The following CCDC178 variants were observed in gnomAD, a reference collection of about 807,000 sequenced individuals.
CCDC178 encodes the protein coiled-coil domain containing 178.
CCDC178 carries 126 observed loss-of-function variants against 117.4 expected under a neutral mutation model. That is an observed-to-expected ratio of 1.07 (90% CI 0.93 to 1.24). The LOEUF (loss-of-function observed/expected upper bound fraction) is 1.24, where lower values mean the gene tolerates loss of function less well. Ranked by LOEUF, CCDC178 falls within the 50% of genes most tolerant of loss-of-function variation. The pLI is 0.00. For missense variants in CCDC178, 1,030 were observed against 986.9 expected (o/e 1.04, Z -0.59); for synonymous variants, 283 against 313.4 (o/e 0.90, Z 1.02).
At chr18:33,025,340 A>C (rs1344055081) in intron 21 of CCDC178, among the ~76,000 whole-genome samples, 1 of 152,208 alleles carries the variant, frequency 6.6e-6, no homozygotes, top group African/African-American at 2.4e-5. Flanking sequence ...GAGGTAGGTA[A>C]AGGGTTCTTA....
In CCDC178 at chr18:32,937,434, A is replaced by T. The variant is rs1174109600; in HGVS notation, c.*577T>A. The T allele has an allele frequency of 1.3e-5, 2 of 152,228 alleles. No individual in the cohort carries two copies. Among genetic ancestry groups the T allele is most frequent in the African/African-American group, 4.8e-5 (2 of 41,456 alleles). 9.4% of individuals were successfully genotyped at this position (152,228 alleles called of 1,614,324 possible). ...AATGAAGCATTTAAATTTATTCATT[A>T]ATCATTCATCTCCAGCTCATTGAAA... On this transcript the variant is annotated 3_prime_UTR_variant, in exon 23 of 23. Coordinates refer to ENST00000383096, the MANE Select transcript of CCDC178 (RefSeq NM_001105528.4).
intron 11 of CCDC178, among the ~76,000 whole-genome samples, chr18:33,294,002 A>T (rs1169693692): frequency 6.6e-6 from 1 of 152,226 alleles, no homozygotes; most frequent in African/African-American, 2.4e-5. Context: ...AGGAGGCAGA[A>T]GTGAAAAGAC....
chr18:33,198,287 T>A (rs2058955529), intron 20 of CCDC178, among the ~76,000 whole-genome samples: 1 of 152,092 alleles, frequency 6.6e-6, no homozygotes, highest in South Asian at 2.1e-4. Flanking sequence ...TCTCTATCTA[T>A]CTCCCTATCT....
chr18:32,943,835 A>T (rs576934208), intron 22 of CCDC178, among the ~76,000 whole-genome samples: 115 of 152,352 alleles, frequency 7.5e-4, no homozygotes, highest in African/African-American at 2.7e-3. Flanking sequence ...CAGGTAACAC[A>T]ACATATTAAG....
intron 20 of CCDC178, among the ~76,000 whole-genome samples, chr18:33,133,880 TA>T (rs768305572): frequency 6.6e-6 from 1 of 151,934 alleles, no homozygotes; most frequent in Non-Finnish European, 1.5e-5. Flanking sequence ...AGATATCATA[TA>T]ATGAAATATG....
intron 6 of CCDC178, among the ~76,000 whole-genome samples, chr18:33,363,783 T>C (rs1404828911): frequency 2.0e-5 from 3 of 152,094 alleles, no homozygotes; most frequent in Non-Finnish European, 4.4e-5. Flanking sequence ...TTATGGATAT[T>C]CATGATACCA....
At chr18:33,357,095 G>A (rs1226189254) in intron 6 of CCDC178, among the ~76,000 whole-genome samples, 1 of 151,876 alleles carries the variant, frequency 6.6e-6, no homozygotes, top group African/African-American at 2.4e-5. Context: ...CCTATGACCT[G>A]GAAGCCCCCA....
intron 21 of CCDC178, among the ~76,000 whole-genome samples, chr18:33,023,664 A>G (rs571622822): frequency 6.6e-6 from 1 of 152,308 alleles, no homozygotes; most frequent in East Asian, 1.9e-4. Flanking sequence ...AAACATCCCA[A>G]GAAACTAGAA....
At chr18:33,394,787 T>C (rs2063608893) in intron 4 of CCDC178, among the ~76,000 whole-genome samples, 1 of 150,838 alleles carries the variant, frequency 6.6e-6, no homozygotes, top group South Asian at 2.1e-4. Flanking sequence ...ATTAAACTTG[T>C]TAAATTATAT....
At chr18:33,420,917 A>T (rs896363743) in intron 2 of CCDC178, among the ~76,000 whole-genome samples, 2 of 152,230 alleles carry the variant, frequency 1.3e-5, no homozygotes, top group African/African-American at 4.8e-5. Context: ...ATATAAAAGA[A>T]TATATCACAA....
At chr18:33,034,295 T>G (rs149849524) in intron 21 of CCDC178, among the ~76,000 whole-genome samples, 108 of 152,120 alleles carry the variant, frequency 7.1e-4, no homozygotes, top group Non-Finnish European at 1.4e-3. Flanking sequence ...TTCCTGTCTT[T>G]TTCCCTCTAA....
chr18:33,211,787 A>T, intron 20 of CCDC178, 109 bp downstream of exon 20: 1 of 818,902 alleles, frequency 1.2e-6, no homozygotes, highest in South Asian at 1.8e-5. Flanking sequence ...ATTTATTTTT[A>T]AAATCTTAAC....
rs923442276 is a variant in CCDC178 at position 33,390,189 on chromosome 18, TAGAG to T, written c.119-564_119-561del. Among the ~76,000 whole-genome samples, 79 of 151,564 alleles carry T rather than the reference TAGAG, an allele frequency of 5.2e-4. 1 individual carries two copies. Among genetic ancestry groups the T allele is most frequent in the Middle Eastern group, 3.5e-3 (1 of 286 alleles). The stretch of plus-strand genomic sequence containing the variant: ...CTGTCATTTTTAGAAAGAGAAAATG[TAGAG>T]AGAGAGGGGAAACGTTTTATTTTAC... On this transcript the variant is annotated intron_variant, in intron 4 of 22. Coordinates refer to ENST00000383096, the MANE Select transcript of CCDC178 (RefSeq NM_001105528.4).
At chr18:33,227,887 AACAAT>A (rs1294963364) in intron 15 of CCDC178, among the ~76,000 whole-genome samples, 1 of 152,168 alleles carries the variant, frequency 6.6e-6, no homozygotes, top group African/African-American at 2.4e-5. Context: ...GAATTTATGC[AACAAT>A]ACGTTTTGAT....
chr18:33,362,746 T>C (rs1399203637), intron 6 of CCDC178, among the ~76,000 whole-genome samples: 4 of 151,936 alleles, frequency 2.6e-5, no homozygotes, highest in Non-Finnish European at 5.9e-5. Context: ...AGATTGGTAG[T>C]TGCAAGACTT....
At chr18:33,263,224 T>C (rs1256683638) in intron 14 of CCDC178, among the ~76,000 whole-genome samples, 1 of 152,172 alleles carries the variant, frequency 6.6e-6, no homozygotes, top group African/African-American at 2.4e-5. Flanking sequence ...GGATAGTCTT[T>C]CCGGAAAGTA....
chr18:33,337,129 C>A (rs569349690), intron 9 of CCDC178, among the ~76,000 whole-genome samples: 7 of 133,938 alleles, frequency 5.2e-5, no homozygotes, highest in African/African-American at 1.9e-4. Flanking sequence ...TAGGTATATT[C>A]CTAAGCTTTT....
intron 6 of CCDC178, among the ~76,000 whole-genome samples, chr18:33,361,353 A>C (rs1423088764): frequency 6.6e-6 from 1 of 151,790 alleles, no homozygotes; most frequent in Non-Finnish European, 1.5e-5. Flanking sequence ...AATGGATAAA[A>C]GACCTAAATT....
intron 21 of CCDC178, among the ~76,000 whole-genome samples, chr18:33,075,976 A>C (rs1425371820): frequency 6.6e-6 from 1 of 152,222 alleles, no homozygotes; most frequent in Non-Finnish European, 1.5e-5. Context: ...TCTGAAAAAA[A>C]ATTATGTAGA....
Sources: gnomAD v4.1 joint callset for allele counts (sites outside exome capture counted in the v4.1 genomes callset) on GRCh38, gnomAD v4.1.1 for gene constraint, MANE v1.5 for transcripts, NCBI Gene and HGNC (gene_info 2026-07-23, HGNC 2026-07-21) for gene names.